Variants in SIX4 observed in about 807,000 individuals in gnomAD.
SIX4 encodes the protein homeobox protein SIX4.
SIX4 carries 23 observed loss-of-function variants against 51.5 expected under a neutral mutation model. That is an observed-to-expected ratio of 0.45 (90% CI 0.32 to 0.63). The LOEUF (loss-of-function observed/expected upper bound fraction) is 0.63, where lower values mean the gene tolerates loss of function less well. Ranked by LOEUF, SIX4 falls within the 30% of genes least tolerant of loss-of-function variation. The pLI, the probability that SIX4 is intolerant of heterozygous loss-of-function variation, is 0.04. For synonymous variants in SIX4, 413 were observed against 417.3 expected, an observed-to-expected ratio of 0.99 and a Z score of 0.13; for missense variants, 867 against 984.0, an observed-to-expected ratio of 0.88 and a Z score of 1.59.
chr14:60,722,818 C>A lies in SIX4; in HGVS notation c.863+394G>T, dbSNP rs1033536693. ...GCCGGCAGTCTCTGCGGGCCTCGGG[C>A]GGCAGGGAGAGCTACGGTGCCGGTG... On this transcript the variant is annotated intron_variant, in intron 1 of 2. Coordinates refer to ENST00000216513, the MANE Select transcript of SIX4 (RefSeq NM_017420.5). This position sits in a 1 kb window ranked among gnomAD's most constrained non-coding sequence, Gnocchi z 5.9. Among the ~76,000 whole-genome samples, 1 of 151,886 alleles carries A rather than the reference C, an allele frequency of 6.6e-6. No individual in the cohort carries two copies. Among genetic ancestry groups the A allele is most frequent in the African/African-American group, 2.4e-5 (1 of 41,382 alleles).
Position 60,713,576 on chromosome 14 carries a change from A to G in SIX4, c.2177T>C (p.Leu726Ser). The change falls in exon 3 of 3, where the codon TTA (leucine) becomes TCA (serine). Residue 726 changes from leucine (L) to serine (S), a missense_variant. Leu to Ser is a moderately radical substitution (Grantham distance 145). Coordinates refer to ENST00000216513, the MANE Select transcript of SIX4 (RefSeq NM_017420.5). ...QSVANMKENF[L>S]SNSESKATSS... ...TGTTGCTTTGCTCTCAGAATTTGAT[A>G]AGAAATTCTCTTTCATGTTAGCTAC... 6.2e-7 allele frequency: 1 copy of G among 1,614,208 alleles called. No homozygotes were observed. The highest frequency in any genetic ancestry group is 1.1e-5 in the South Asian group (1 of 91,088).
At position 60,723,901 on chromosome 14, in the gene SIX4, G is replaced by A. The variant is rs772775922; in HGVS notation, c.174C>T (p.Ala58=). 9.9e-6 allele frequency: 15 copies of A among 1,519,056 alleles called. No homozygotes were observed. The East Asian group carries it at 3.3e-4, about 34-fold the overall frequency. 94.1% of individuals were successfully genotyped at this position (1,519,056 alleles called of 1,614,324 possible). A position where few individuals can be genotyped will look rare whatever the true frequency, so the allele number is the denominator to read the frequency against. Residue 58 remains alanine (A), a synonymous_variant, in exon 1 of 3, where the codon GCC becomes GCT. Coordinates refer to ENST00000216513, the MANE Select transcript of SIX4 (RefSeq NM_017420.5). ...CGCTCACCCTGGCGGCAGCGGTCGC[G>A]GCGTCCCCCGGCTCCAGGGGAAAAG... ...PAPFPLEPGD[A]ATAAARVSGE...
At position 60,713,876 on chromosome 14, in the gene SIX4, G is replaced by A. The variant is rs1441309849; in HGVS notation, c.1877C>T (p.Thr626Ile). 2.5e-6 allele frequency: 4 copies of A among 1,614,062 alleles called. No homozygotes were observed. The highest frequency in any genetic ancestry group is 3.4e-6 in the Non-Finnish European group (4 of 1,180,032). Residue 626 changes from threonine (T) to isoleucine (I), a missense_variant, in exon 3 of 3, where the codon ACA becomes ATA. Coordinates refer to ENST00000216513, the MANE Select transcript of SIX4 (RefSeq NM_017420.5). ...PTHNFSLSPS[T>I]LLNPTELNRD... ...GTTTAGCTCAGTGGGATTTAGTAGTGTAGAGGGACTGAGAGAAAAATTGTG... is the reference window on the plus strand; with the variant it reads ...GTTTAGCTCAGTGGGATTTAGTAGTATAGAGGGACTGAGAGAAAAATTGTG...
intron 1 of SIX4, 108 bp downstream of exon 1, chr14:60,723,104 A>G (rs1426967673): frequency 1.4e-6 from 2 of 1,411,062 alleles, no homozygotes; most frequent in Non-Finnish European, 1.8e-6. Context: ...CAGCCGGACC[A>G]GGCTGGTGGG....
chr14:60,716,401 C>G (rs974039474), intron 2 of SIX4, among the ~76,000 whole-genome samples: 1 of 151,204 alleles, frequency 6.6e-6, no homozygotes, highest in Non-Finnish European at 1.5e-5. Flanking sequence ...TACAGGCACG[C>G]ACCACCATGC....
In SIX4 at chr14:60,722,758, G is replaced by C. The variant is rs1046392801; in HGVS notation, c.863+454C>G. Among the ~76,000 whole-genome samples the C allele has an allele frequency of 6.6e-6, 1 of 152,058 alleles. No homozygotes were observed. Among genetic ancestry groups the C allele is most frequent in the East Asian group, 1.9e-4 (1 of 5,146 alleles). On this transcript the variant is annotated intron_variant, in intron 1 of 2. Coordinates refer to ENST00000216513, the MANE Select transcript of SIX4 (RefSeq NM_017420.5). This position sits in a 1 kb window ranked among gnomAD's most constrained non-coding sequence, Gnocchi z 5.9. ...GGGAGCGTGCGCGCGCGCCAGGCCC[G>C]GTGTGACCTCGCGGAGGTGCAGACC... is the stretch of plus-strand genomic sequence containing the variant.
At position 60,722,989 on chromosome 14, in the gene SIX4, G is replaced by T. The variant is rs940055559; in HGVS notation, c.863+223C>A. ...CCTAGGCGGGCGACCAGAAACTTCT[G>T]GGGGGAGAGGGGGAGGGTAAGGAGG... On this transcript the variant is annotated intron_variant, in intron 1 of 2. Transcript: ENST00000216513. This position sits in a 1 kb window ranked among gnomAD's most constrained non-coding sequence, Gnocchi z 5.9. The T allele has an allele frequency of 8.8e-6, 8 of 905,824 alleles. No individual in the cohort carries two copies. The highest frequency in any genetic ancestry group is 1.3e-5 in the Non-Finnish European group (8 of 637,988). The allele number at this position is 905,824 out of a possible 1,614,324, so 56.1% of individuals were successfully genotyped here. A position where few individuals can be genotyped will look rare whatever the true frequency, so the allele number is the denominator to read the frequency against.
rs774654717 is a variant in SIX4, at chr14:60,720,356, C to T, written c.953G>A (p.Gly318Asp). 1 of 1,614,170 alleles carries T rather than the reference C, an allele frequency of 6.2e-7. No homozygotes were observed. The highest frequency in any genetic ancestry group is 8.5e-7 in the Non-Finnish European group (1 of 1,180,042). ...SPHPLSSSSD[G>D]ITNLSLSSHM... is the part of the protein sequence containing the mutation. ...ACTGGAAAGGCTGAGGTTGGTGATG[C>T]CATCAGATGAACTGGAGAGTGGGTG... is the stretch of plus-strand genomic sequence containing the variant. Residue 318 changes from glycine to aspartate, a missense_variant, in exon 2 of 3, where the codon GGC (glycine) becomes GAC (aspartate). Gly to Asp is a moderately conservative substitution (Grantham distance 94). Coordinates refer to ENST00000216513, the MANE Select transcript of SIX4 (RefSeq NM_017420.5). This position sits in a 1 kb window ranked among gnomAD's most constrained non-coding sequence, Gnocchi z 5.5.
In SIX4 at chr14:60,712,449, T is replaced by C. The variant is rs1262452747; in HGVS notation, c.*958A>G. The C allele has an allele frequency of 6.6e-6, 1 of 152,570 alleles. No individual in the cohort carries two copies. Among genetic ancestry groups the C allele is most frequent in the African/African-American group, 2.4e-5 (1 of 41,428 alleles). 9.5% of individuals were successfully genotyped at this position (152,570 alleles called of 1,614,324 possible). ...CACATAGAATTCTATAAAAAACATA[T>C]TTAAATGAATCAGAGTTGCTAAATA... On this transcript the variant is annotated 3_prime_UTR_variant, in exon 3 of 3. Coordinates refer to ENST00000216513, the MANE Select transcript of SIX4 (RefSeq NM_017420.5).
Position 60,723,824 on chromosome 14 carries a change from A to G in SIX4, c.251T>C (p.Val84Ala). ...AAAAGAAADQVQLHSELLGRH... is the reference protein window; with the variant it reads ...AAAAGAAADQAQLHSELLGRH... ...GCCCAGAAGTTCCGAGTGGAGTTGTACCTGATCCGCCGCCGCTCCGGCCGC... is the reference window on the plus strand; with the variant it reads ...GCCCAGAAGTTCCGAGTGGAGTTGTGCCTGATCCGCCGCCGCTCCGGCCGC... Residue 84 changes from valine (V) to alanine (A), a missense_variant, in exon 1 of 3, where the codon GTA becomes GCA. Transcript: ENST00000216513. 6.6e-7 allele frequency: 1 copy of G among 1,524,140 alleles called. No individual in the cohort carries two copies. Among genetic ancestry groups the G allele is most frequent in the South Asian group, 1.2e-5 (1 of 82,848 alleles). 94.4% of individuals were successfully genotyped at this position (1,524,140 alleles called of 1,614,324 possible). A position where few individuals can be genotyped will look rare whatever the true frequency, so the allele number is the denominator to read the frequency against.
chr14:60,716,727 G>A (rs1477324754), intron 2 of SIX4, among the ~76,000 whole-genome samples: 1 of 152,104 alleles, frequency 6.6e-6, no homozygotes, highest in Admixed American at 6.5e-5. Flanking sequence ...AATGTTAAAG[G>A]TAATTAATTC....
chr14:60,718,611 T>C (rs1227151480), intron 2 of SIX4, among the ~76,000 whole-genome samples: 3 of 152,210 alleles, frequency 2.0e-5, no homozygotes, highest in African/African-American at 7.2e-5. Context: ...TTTTGCCCTA[T>C]GTTAGATAGT....
rs1201558613 is a variant in SIX4 at position 60,719,917 on chromosome 14, T to C, written c.1392A>G (p.Gln464=). 2 of 1,614,106 alleles carry C rather than the reference T, an allele frequency of 1.2e-6. No homozygotes were observed. The highest frequency in any genetic ancestry group is 2.2e-5 in the East Asian group (1 of 44,898). Residue 464 remains glutamine (Q), a synonymous_variant, in exon 2 of 3, where the codon CAA becomes CAG. Transcript: ENST00000216513. The surrounding 1 kb of genome is among the most constrained non-coding windows in gnomAD (Gnocchi z 4.9). ...KREGIQTVAS[Q]DGGSVVTFTT... ...TAAAAGTCACTACAGACCCTCCATC[T>C]TGGGAAGCCACTGTTTGAATGCCTT...
intron 2 of SIX4, 99 bp from the exon 3 acceptor site, chr14:60,714,302 A>C: frequency 9.6e-7 from 1 of 1,036,564 alleles, no homozygotes. Context: ...TCTATAAAGA[A>C]GCAACACTTC....
rs780866399 is a variant in SIX4, at chr14:60,719,209, G to T, written c.1549+551C>A. ...TAGGGGGTTAGTATATATGCTGAGC[G>T]ATAGAAATCCAATGGCATATTCCTC... On this transcript the variant is annotated intron_variant, in intron 2 of 2. Coordinates refer to ENST00000216513, the MANE Select transcript of SIX4 (RefSeq NM_017420.5). This position sits in a 1 kb window ranked among gnomAD's most constrained non-coding sequence, Gnocchi z 4.9. Among the ~76,000 whole-genome samples, 1 of 152,132 alleles carries T rather than the reference G, an allele frequency of 6.6e-6. No homozygotes were observed. Among genetic ancestry groups the T allele is most frequent in the Admixed American group, 6.5e-5 (1 of 15,276 alleles).
At chr14:60,714,241 T>C in intron 2 of SIX4, 38 bp from the exon 3 acceptor site, 3 of 1,506,372 alleles carry the variant, frequency 2.0e-6, no homozygotes, top group Non-Finnish European at 2.6e-6. Flanking sequence ...CTGATGGAAG[T>C]GAGAGGGAAA....
chr14:60,710,415 T>C lies in SIX4; in HGVS notation c.*2992A>G, dbSNP rs2140263938. The C allele has an allele frequency of 6.5e-6, 1 of 152,778 alleles. No homozygotes were observed. The highest frequency in any genetic ancestry group is 1.9e-4 in the East Asian group (1 of 5,192). 9.5% of individuals were successfully genotyped at this position (152,778 alleles called of 1,614,324 possible). ...TTGAGGAACAAATGCACCTTCTCTT[T>C]AAACAATAGACTGTCCTTTACTAGA... On this transcript the variant is annotated 3_prime_UTR_variant, in exon 3 of 3. Coordinates refer to ENST00000216513, the MANE Select transcript of SIX4 (RefSeq NM_017420.5).
intron 2 of SIX4, among the ~76,000 whole-genome samples, chr14:60,714,709 A>G (rs1267762319): frequency 6.7e-6 from 1 of 150,090 alleles, no homozygotes; most frequent in East Asian, 1.9e-4. Context: ...CTCTGTCACC[A>G]GGCTGGAGTG....
At position 60,712,835 on chromosome 14, in the gene SIX4, A is replaced by G. The variant is rs953881358; in HGVS notation, c.*572T>C. ...CGCACTTTCTCAGCCACACTGAGCTATTAGAAATCACATTTGGAAATGTGT... is the reference window on the plus strand; with the variant it reads ...CGCACTTTCTCAGCCACACTGAGCTGTTAGAAATCACATTTGGAAATGTGT... On this transcript the variant is annotated 3_prime_UTR_variant, in exon 3 of 3. Coordinates refer to ENST00000216513, the MANE Select transcript of SIX4 (RefSeq NM_017420.5). 1 of 152,522 alleles carries G rather than the reference A, an allele frequency of 6.6e-6. No individual in the cohort carries two copies. Among genetic ancestry groups the G allele is most frequent in the African/African-American group, 2.4e-5 (1 of 41,462 alleles). The allele number at this position is 152,522 out of a possible 1,614,324, so 9.4% of individuals were successfully genotyped here.
Sources: gnomAD v4.1 joint callset for allele counts (sites outside exome capture counted in the v4.1 genomes callset) on GRCh38, gnomAD v4.1.1 for gene constraint, Gnocchi (gnomAD v3.1) non-coding constraint, MANE v1.5 for transcripts, NCBI Gene and HGNC (gene_info 2026-07-23, HGNC 2026-07-21) for gene names.